FNIP1: variants seen among roughly 807,000 people sequenced by gnomAD.
FNIP1 encodes the protein folliculin interacting protein 1, also known as folliculin-interacting protein 1.
Under a neutral mutation model 124.5 loss-of-function variants are expected in FNIP1, and 40 were observed. The observed-to-expected ratio is 0.32, with a 90% CI of 0.25 to 0.42. FNIP1 has a LOEUF of 0.42. Ranked by LOEUF, FNIP1 falls within the 10% of genes least tolerant of loss-of-function variation. FNIP1 has a pLI of 1.00. For missense variants in FNIP1, 1,176 were observed against 1,403.7 expected, an observed-to-expected ratio of 0.84 and a Z score of 2.59; for synonymous variants, 472 against 470.6, an observed-to-expected ratio of 1.00 and a Z score of -0.04.
At chr5:131,662,898 C>T (rs1767485891) in intron 15 of FNIP1, among the ~76,000 whole-genome samples, 1 of 151,978 alleles carries the variant, frequency 6.6e-6, no homozygotes, top group Admixed American at 6.6e-5. Flanking sequence ...CGCCATTGTG[C>T]CTGATGGCTA....
At chr5:131,783,024 C>G (rs1042225044) in intron 1 of FNIP1, among the ~76,000 whole-genome samples, 5 of 152,216 alleles carry the variant, frequency 3.3e-5, no homozygotes, top group African/African-American at 4.8e-5. Context: ...CATAATGCTA[C>G]TACACACTTA....
rs1772166411 is a variant in FNIP1, at chr5:131,785,226, A to G, written c.92+11604T>C. 4.7e-5 allele frequency among the ~76,000 whole-genome samples: 7 copies of G among 148,948 alleles called. No homozygotes were observed. In the Admixed American group the frequency reaches 4.7e-4, roughly 10 times the overall value. On this transcript the variant is annotated intron_variant, in intron 1 of 17. Transcript: ENST00000510461. The stretch of plus-strand genomic sequence containing the variant: ...TATATATATCATAACGCTATTGGGC[A>G]GGGCAAAATTCAACACATAATATTT...
chr5:131,737,926 G>A (rs944150703), intron 2 of FNIP1, among the ~76,000 whole-genome samples: 4 of 152,150 alleles, frequency 2.6e-5, no homozygotes, highest in Non-Finnish European at 4.4e-5. Flanking sequence ...CACCAGTTTC[G>A]TGCAAGACAA....
At position 131,670,715 on chromosome 5, in the gene FNIP1, T is replaced by C. The variant is rs1767725469; in HGVS notation, c.2940-84A>G. ...AAAAAAAAAAAAAGTGAATTCTACT[T>C]GTCCATATTTTACACTAGTCTGTAT... On this transcript the variant is annotated intron_variant, in intron 14 of 17. Transcript: ENST00000510461. 9 of 1,030,630 alleles carry C rather than the reference T, an allele frequency of 8.7e-6. 1 individual carries two copies. The Admixed American group carries it at 2.4e-4, about 27-fold the overall frequency. 63.8% of individuals were successfully genotyped at this position (1,030,630 alleles called of 1,614,324 possible).
At chr5:131,774,919 T>C (rs965396683) in intron 1 of FNIP1, among the ~76,000 whole-genome samples, 1 of 152,218 alleles carries the variant, frequency 6.6e-6, no homozygotes, top group Non-Finnish European at 1.5e-5. Context: ...TGCTATGGTA[T>C]CTTCTATTAA....
At chr5:131,770,479 A>G (rs889291773) in intron 1 of FNIP1, among the ~76,000 whole-genome samples, 1 of 152,212 alleles carries the variant, frequency 6.6e-6, no homozygotes, top group Admixed American at 6.5e-5. Context: ...GTATCCCGAT[A>G]GGACTAATTC....
intron 1 of FNIP1, among the ~76,000 whole-genome samples, chr5:131,790,194 GCTATAA>G (rs566265100): frequency 2.6e-3 from 399 of 152,304 alleles, no homozygotes; most frequent in African/African-American, 8.9e-3. Context: ...TATTAAAAGA[GCTATAA>G]TGGATATAAA....
chr5:131,795,529 G>A (rs141668773), intron 1 of FNIP1: 57 of 152,150 alleles, frequency 3.7e-4, no homozygotes, highest in South Asian at 8.3e-4. Context: ...GTTACTAGAT[G>A]GCTCAATGTA....
At chr5:131,745,343 A>T (rs1770641480) in intron 1 of FNIP1, among the ~76,000 whole-genome samples, 1 of 151,998 alleles carries the variant, frequency 6.6e-6, no homozygotes. Context: ...ACATAGTGAG[A>T]CCCTGTCTCT....
At chr5:131,650,198 T>A (rs939508892) in intron 16 of FNIP1, among the ~76,000 whole-genome samples, 1 of 152,330 alleles carries the variant, frequency 6.6e-6, no homozygotes, top group East Asian at 1.9e-4. Flanking sequence ...AATCTGTAGA[T>A]AACTTTGAGT....
intron 15 of FNIP1, among the ~76,000 whole-genome samples, chr5:131,659,680 G>C (rs1767353332): frequency 6.6e-6 from 1 of 152,186 alleles, no homozygotes. Context: ...CAGTGGTACA[G>C]CCATAGGTGT....
chr5:131,711,432 T>C (rs1036111109), intron 6 of FNIP1, among the ~76,000 whole-genome samples: 3 of 152,234 alleles, frequency 2.0e-5, no homozygotes, highest in Non-Finnish European at 4.4e-5. Flanking sequence ...TAAATAGCCA[T>C]GAAGGACATT....
At chr5:131,748,704 A>G (rs1315843000) in intron 1 of FNIP1, among the ~76,000 whole-genome samples, 4 of 150,158 alleles carry the variant, frequency 2.7e-5, no homozygotes, top group African/African-American at 9.8e-5. Flanking sequence ...CTCAAAAAAA[A>G]AAAAGAAAAA....
At chr5:131,775,527 AC>A (rs1181730609) in intron 1 of FNIP1, among the ~76,000 whole-genome samples, 1 of 146,458 alleles carries the variant, frequency 6.8e-6, no homozygotes, top group African/African-American at 2.5e-5. Flanking sequence ...TATTATATAT[AC>A]TTTTTTTTTT....
At chr5:131,677,952 G>A (rs1399205085) in intron 12 of FNIP1, 80 bp from the exon 13 acceptor site, 1 of 1,465,850 alleles carries the variant, frequency 6.8e-7, no homozygotes, top group African/African-American at 1.4e-5. Flanking sequence ...AAGTAAGCAA[G>A]GGGAGTATAT....
At chr5:131,784,449 G>A (rs1388914150) in intron 1 of FNIP1, among the ~76,000 whole-genome samples, 3 of 152,112 alleles carry the variant, frequency 2.0e-5, no homozygotes. Flanking sequence ...ATGTGTGTGT[G>A]TGTTAAAGAC....
intron 11 of FNIP1, among the ~76,000 whole-genome samples, chr5:131,691,406 A>AT (rs371368917): frequency 7.1e-4 from 108 of 152,330 alleles, no homozygotes; most frequent in Middle Eastern, 3.4e-3. Context: ...AAAATCAACG[A>AT]TCTAAGCTTT....
chr5:131,672,527 C>T lies in FNIP1; in HGVS notation c.1917G>A (p.Glu639=), dbSNP rs1767792639. ...EREDIQNSSK[E]LLGISDECQM... The stretch of plus-strand genomic sequence containing the variant: ...GGCACTCATCTGAAATTCCTAGCAG[C>T]TCCTTAGAGCTGTTTTGAATATCTT... The change falls in exon 14 of 18, where the codon GAG becomes GAA. Residue 639 remains glutamate (E), a synonymous_variant. Coordinates refer to ENST00000510461, the MANE Select transcript of FNIP1 (RefSeq NM_133372.3). 6.2e-7 allele frequency: 1 copy of T among 1,613,694 alleles called. No homozygotes were observed. Among genetic ancestry groups the T allele is most frequent in the Non-Finnish European group, 8.5e-7 (1 of 1,180,036 alleles).
At chr5:131,701,872 T>C (rs1242192135) in intron 10 of FNIP1, among the ~76,000 whole-genome samples, 1 of 152,218 alleles carries the variant, frequency 6.6e-6, no homozygotes, top group Non-Finnish European at 1.5e-5. Flanking sequence ...GCACGCTACA[T>C]TTTTTGTCAT....
Sources: allele counts gnomAD v4.1 joint callset (sites outside exome capture counted in the v4.1 genomes callset), GRCh38; gene constraint gnomAD v4.1.1; transcripts MANE v1.5; gene names NCBI Gene and HGNC (gene_info 2026-07-23, HGNC 2026-07-21).